The following TECRL variants were observed in gnomAD, a reference collection of about 807,000 sequenced individuals.
The protein encoded by TECRL is trans-2,3-enoyl-CoA reductase like.
TECRL carries 63 observed loss-of-function variants against 52.8 expected under a neutral mutation model. The ratio of observed to expected loss-of-function variants is 1.19; its 90% CI spans 0.97 to 1.47. The LOEUF (loss-of-function observed/expected upper bound fraction) is 1.47. Among genes scored for constraint, TECRL ranks in the 40% most tolerant of loss-of-function variants. The pLI, the probability that TECRL is intolerant of heterozygous loss-of-function variation, is 0.00. For missense variants in TECRL, 482 were observed against 429.6 expected, an observed-to-expected ratio of 1.12 and a Z score of -1.08; for synonymous variants, 164 against 141.9, an observed-to-expected ratio of 1.16 and a Z score of -1.10.
intron 1 of TECRL, among the ~76,000 whole-genome samples, chr4:64,384,107 C>T (rs1723009862): frequency 6.6e-6 from 1 of 152,078 alleles, no homozygotes; most frequent in South Asian, 2.1e-4. Context: ...GCTTAGACAT[C>T]AGTAGTGTCA....
At chr4:64,336,099 C>A (rs7682085) in intron 2 of TECRL, among the ~76,000 whole-genome samples, 35,688 of 151,958 alleles carry the variant, frequency 0.23, 4,525 homozygotes, top group East Asian at 0.3. Context: ...ACCAGCTCCT[C>A]TTTGTACCTC....
intron 1 of TECRL, among the ~76,000 whole-genome samples, chr4:64,376,291 A>G (rs12500772): frequency 0.9 from 135,947 of 151,872 alleles, 61,568 homozygotes; most frequent in East Asian, 1. Flanking sequence ...TTACTAAATA[A>G]GACAGTTATA....
chr4:64,383,685 T>A (rs780266431), intron 1 of TECRL, among the ~76,000 whole-genome samples: 39 of 152,098 alleles, frequency 2.6e-4, no homozygotes, highest in Non-Finnish European at 5.0e-4. Context: ...CTTTTATGTC[T>A]CACTAAGCTT....
At chr4:64,405,392 G>A (rs1724638861) in intron 1 of TECRL, among the ~76,000 whole-genome samples, 1 of 152,060 alleles carries the variant, frequency 6.6e-6, no homozygotes, top group Non-Finnish European at 1.5e-5. Context: ...CCAAGAAGAT[G>A]GATTGTATGT....
intron 3 of TECRL, among the ~76,000 whole-genome samples, chr4:64,328,116 T>G (rs1718384849): frequency 6.6e-6 from 1 of 152,000 alleles, no homozygotes; most frequent in Admixed American, 6.6e-5. Context: ...CCAAATTCAT[T>G]AGTTTTGTTC....
At chr4:64,336,519 C>A (rs1315705010) in intron 2 of TECRL, among the ~76,000 whole-genome samples, 1 of 152,134 alleles carries the variant, frequency 6.6e-6, no homozygotes. Flanking sequence ...CAGTTCTGCT[C>A]TAATCTTAGT....
intron 7 of TECRL, among the ~76,000 whole-genome samples, chr4:64,301,872 C>CA (rs1314096234): frequency 1.3e-5 from 2 of 150,442 alleles, no homozygotes; most frequent in Admixed American, 6.6e-5. Context: ...TATTTATTTC[C>CA]AAAAAAACAA....
At chr4:64,312,838 T>C (rs954571210) in intron 5 of TECRL, among the ~76,000 whole-genome samples, 1 of 152,148 alleles carries the variant, frequency 6.6e-6, no homozygotes, top group Non-Finnish European at 1.5e-5. Flanking sequence ...TTTCATGCTC[T>C]GCTACGTATC....
Position 64,314,580 on chromosome 4 carries a change from T to C in TECRL, c.551+68A>G, listed in dbSNP as rs543657300. 4.1e-4 allele frequency: 489 copies of C among 1,183,734 alleles called. 8 individuals are homozygous for C. The East Asian group carries it at 0.01, about 25-fold the overall frequency. The allele number at this position is 1,183,734 out of a possible 1,614,324, so 73.3% of individuals were successfully genotyped here. ...CCTGCTTACTAGTTCATCCCCTCCT[T>C]AACGTGTATGGTGTGTGTGTGTGTG... On this transcript the variant is annotated intron_variant, in intron 5 of 11. Coordinates refer to ENST00000381210, the MANE Select transcript of TECRL (RefSeq NM_001010874.5).
At chr4:64,333,758 C>T (rs901268950) in intron 2 of TECRL, among the ~76,000 whole-genome samples, 78 of 127,132 alleles carry the variant, frequency 6.1e-4, no homozygotes, top group Non-Finnish European at 1.5e-4. Context: ...CGGTGGCTCA[C>T]GCCTGTAATC....
At chr4:64,328,646 C>T (rs1577879740) in intron 2 of TECRL, 90 bp from the exon 3 acceptor site, 4 of 1,122,258 alleles carry the variant, frequency 3.6e-6, no homozygotes, top group Non-Finnish European at 4.0e-6. Flanking sequence ...CCATTTAGAT[C>T]TAGGAAGTAA....
intron 4 of TECRL, among the ~76,000 whole-genome samples, chr4:64,315,007 T>C (rs1041208802): frequency 2.0e-5 from 3 of 152,172 alleles, no homozygotes; most frequent in Non-Finnish European, 4.4e-5. Flanking sequence ...TTTCTTCAGA[T>C]ATAGTAAAAA....
At chr4:64,295,966 A>G (rs1025984858) in intron 8 of TECRL, among the ~76,000 whole-genome samples, 7 of 151,982 alleles carry the variant, frequency 4.6e-5, no homozygotes, top group Non-Finnish European at 8.8e-5. Flanking sequence ...TTTATATCAG[A>G]TGCTTCAGGA....
chr4:64,302,692 T>C (rs1259046759), intron 7 of TECRL, among the ~76,000 whole-genome samples: 1 of 151,384 alleles, frequency 6.6e-6, no homozygotes, highest in African/African-American at 2.4e-5. Context: ...TTGGATCAAT[T>C]GTCTGTTTTG....
In TECRL at chr4:64,299,988, C is replaced by T. The variant is rs1307233495; in HGVS notation, c.760G>A (p.Ala254Thr). Residue 254 changes from alanine to threonine, a missense_variant, in exon 8 of 12, where the codon GCT becomes ACT. By Grantham distance (58) the Ala-to-Thr change is moderately conservative (BLOSUM62 0). Transcript: ENST00000381210. ...SFGNRQITVS[A>T]INFLICEAGN... ...ATGATACATACCAGAAAATTGATAG[C>T]AGATACTGTGATTTGCCTGTTTCCA... 1 of 1,578,280 alleles carries T rather than the reference C, an allele frequency of 6.3e-7. No homozygotes were observed. Among genetic ancestry groups the T allele is most frequent in the Non-Finnish European group, 8.6e-7 (1 of 1,159,344 alleles).
At chr4:64,281,689 C>A (rs1357545183) in intron 9 of TECRL, 130 bp from the exon 10 acceptor site, 2 of 525,966 alleles carry the variant, frequency 3.8e-6, no homozygotes, top group Non-Finnish European at 6.8e-6. Flanking sequence ...TTTATAGTAA[C>A]CTATTTTGCA....
At position 64,409,357 on chromosome 4, in the gene TECRL, G is replaced by T; in HGVS notation, c.-6C>A. 6.2e-7 allele frequency: 1 copy of T among 1,610,762 alleles called. No homozygotes were observed. The highest frequency in any genetic ancestry group is 1.1e-5 in the South Asian group (1 of 90,850). On this transcript the variant is annotated 5_prime_UTR_variant, in exon 1 of 12. An upstream open reading frame in the 5' UTR gains an earlier in-frame stop. Coordinates refer to ENST00000381210, the MANE Select transcript of TECRL (RefSeq NM_001010874.5). ...GACTTGTGCCTTTTGAACATTGTGT[G>T]AACTAAGAGGAGGGTCTGTCATGTC...
At chr4:64,323,096 A>AT (rs1718019189) in intron 3 of TECRL, among the ~76,000 whole-genome samples, 1 of 152,034 alleles carries the variant, frequency 6.6e-6, no homozygotes, top group Non-Finnish European at 1.5e-5. Flanking sequence ...ACATACAGGA[A>AT]TTTTTTTAAA....
intron 5 of TECRL, among the ~76,000 whole-genome samples, chr4:64,314,269 A>G (rs1184524006): frequency 1.3e-5 from 2 of 152,172 alleles, no homozygotes; most frequent in African/African-American, 4.8e-5. Context: ...AACATTGCCA[A>G]ATAAATAAAT....
Sources: allele counts gnomAD v4.1 joint callset (sites outside exome capture counted in the v4.1 genomes callset), GRCh38; gene constraint gnomAD v4.1.1; transcripts MANE v1.5; gene names NCBI Gene and HGNC (gene_info 2026-07-23, HGNC 2026-07-21).